The following DDX60 variants were observed in gnomAD, a reference collection of about 807,000 sequenced individuals.
The protein encoded by DDX60 is DExD/H-box helicase 60, also known as probable ATP-dependent RNA helicase DDX60.
Under a neutral mutation model 212.8 loss-of-function variants are expected in DDX60, and 165 were observed. That is an observed-to-expected ratio of 0.78 (90% CI 0.68 to 0.88). DDX60 has a LOEUF of 0.88. DDX60 is among the 40% of genes least tolerant of loss of function. The pLI is 0.00. For synonymous variants in DDX60, 703 were observed against 685.3 expected (o/e 1.03, Z -0.40); for missense variants, 1,905 against 2,003.9 (o/e 0.95, Z 0.94).
chr4:168,285,772 G>GATGCATGGATGGGTGGATGGATGT (rs1244083199), intron 10 of DDX60, among the ~76,000 whole-genome samples: 8 of 151,524 alleles, frequency 5.3e-5, no homozygotes, highest in Non-Finnish European at 8.8e-5. Flanking sequence ...TGGGTGAATG[G>GATGCATGGATGGGTGGATGGATGT]ATGCATGGAT....
rs1736968523 is a variant in DDX60, at chr4:168,308,095, C to T, written c.175G>A (p.Gly59Arg). Residue 59 changes from glycine (G) to arginine (R), a missense_variant, in exon 4 of 38, where the codon GGG (glycine) becomes AGG (arginine). Physicochemically the swap from Gly to Arg is moderately radical, Grantham distance 125. Coordinates refer to ENST00000393743, the MANE Select transcript of DDX60 (RefSeq NM_017631.6). ...AGATAGAAGAAATGGAGGTTCTGCC[C>T]AGGCTTAAATGATATCTCACAGATA... ...TCICEISFKP[G>R]QNLHFFYLVE... 6.2e-7 allele frequency: 1 copy of T among 1,611,678 alleles called. No homozygotes were observed. The highest frequency in any genetic ancestry group is 1.1e-5 in the South Asian group (1 of 90,580).
rs745768005 is a variant in DDX60 at position 168,262,001 on chromosome 4, T to G, written c.3272A>C (p.Gln1091Pro). ...TSWIKNGNVE[Q>P]ARMVLQNLSP... ...GGCCAAAAAGCGTATGAAAATTACCTGCTCTACGTTGCCATTTTTAATCCA... is the reference window on the plus strand; with the variant it reads ...GGCCAAAAAGCGTATGAAAATTACCGGCTCTACGTTGCCATTTTTAATCCA... The change falls in exon 24 of 38, where the codon CAG (glutamine) becomes CCG (proline). Residue 1091 changes from glutamine (Q) to proline (P), a missense_variant and splice_region_variant. Gln to Pro is a moderately conservative substitution (Grantham distance 76). Coordinates refer to ENST00000393743, the MANE Select transcript of DDX60 (RefSeq NM_017631.6). 6.9e-6 allele frequency: 11 copies of G among 1,586,184 alleles called. No homozygotes were observed. The highest frequency in any genetic ancestry group is 9.4e-6 in the Non-Finnish European group (11 of 1,170,992).
At chr4:168,265,928 T>C (rs1056792342) in intron 22 of DDX60, among the ~76,000 whole-genome samples, 1 of 151,756 alleles carries the variant, frequency 6.6e-6, no homozygotes, top group Non-Finnish European at 1.5e-5. Flanking sequence ...AAAGTGCCTT[T>C]TATTCTTATA....
intron 26 of DDX60, among the ~76,000 whole-genome samples, chr4:168,253,726 C>T (rs1205444421): frequency 6.6e-6 from 1 of 152,142 alleles, no homozygotes; most frequent in Non-Finnish European, 1.5e-5. Context: ...CATGAGCACA[C>T]ACCTTCAATA....
At chr4:168,239,965 T>C (rs572176124) in intron 30 of DDX60, among the ~76,000 whole-genome samples, 65 of 151,924 alleles carry the variant, frequency 4.3e-4, no homozygotes, top group South Asian at 1.3e-3. Context: ...GTATTGAAAG[T>C]TCTGGCCAGG....
chr4:168,219,114 T>C (rs1056220005), intron 37 of DDX60, among the ~76,000 whole-genome samples: 1 of 150,140 alleles, frequency 6.7e-6, no homozygotes, highest in African/African-American at 2.5e-5. Context: ...AAATCCCATC[T>C]GTACTAAAAT....
intron 30 of DDX60, among the ~76,000 whole-genome samples, chr4:168,239,395 TAGATAGATA>T (rs1733757341): frequency 6.6e-6 from 1 of 151,632 alleles, no homozygotes; most frequent in African/African-American, 2.4e-5. Flanking sequence ...GATAGATAGA[TAGATAGATA>T]GATAGATAGA....
At chr4:168,243,424 C>T (rs1301738936) in intron 30 of DDX60, among the ~76,000 whole-genome samples, 1 of 152,022 alleles carries the variant, frequency 6.6e-6, no homozygotes, top group East Asian at 1.9e-4. Context: ...AAAAAACAAA[C>T]AACCCATTAA....
intron 37 of DDX60, 116 bp downstream of exon 37, chr4:168,220,539 C>G: frequency 1.7e-6 from 1 of 602,762 alleles, no homozygotes; most frequent in South Asian, 2.0e-5. Context: ...ATGCATAGCA[C>G]AGAAGAAGCT....
At chr4:168,283,413 T>C in intron 13 of DDX60, 33 bp downstream of exon 13, 3 of 1,596,476 alleles carry the variant, frequency 1.9e-6, no homozygotes, top group Non-Finnish European at 2.6e-6. Context: ...AAAAGGAAAA[T>C]TTTTTTAATT....
chr4:168,323,386 T>C (rs559599479), upstream of DDX60, among the ~76,000 whole-genome samples: 3 of 152,168 alleles, frequency 2.0e-5, no homozygotes, highest in African/African-American at 4.8e-5. Flanking sequence ...TTTACATTAA[T>C]CAATGCATGC....
chr4:168,226,435 T>C (rs1733257675), intron 33 of DDX60, among the ~76,000 whole-genome samples: 1 of 152,054 alleles, frequency 6.6e-6, no homozygotes, highest in South Asian at 2.1e-4. Context: ...CCTTCCACCA[T>C]GTGAGAACAC....
intron 25 of DDX60, among the ~76,000 whole-genome samples, chr4:168,258,438 ATT>A (rs56799126): frequency 3.3e-5 from 5 of 150,368 alleles, no homozygotes; most frequent in African/African-American, 4.9e-5. Flanking sequence ...TGCTCCATGT[ATT>A]TTTTTTTTAA....
intron 36 of DDX60, 137 bp downstream of exon 36, chr4:168,221,593 A>T: frequency 2.2e-6 from 2 of 892,602 alleles, no homozygotes; most frequent in Non-Finnish European, 3.1e-6. Flanking sequence ...TCTAAAAAAA[A>T]TCAATCTAGT....
In DDX60 at chr4:168,224,261, T is replaced by G. The variant is rs529887389; in HGVS notation, c.4806A>C (p.Arg1602=). ...LSGNFDDDLL[R]LETPNHVTLG... is the part of the protein sequence containing the mutation. The stretch of plus-strand genomic sequence containing the variant: ...CACTTACATGGTTTGGAGTTTCTAG[T>G]CGAAGCAAATCATCATCAAAGTTCC... Residue 1602 remains arginine (R), a synonymous_variant, in exon 35 of 38, where the codon CGA becomes CGC. Coordinates refer to ENST00000393743, the MANE Select transcript of DDX60 (RefSeq NM_017631.6). 59 of 1,612,384 alleles carry G rather than the reference T, an allele frequency of 3.7e-5. No homozygotes were observed. Among genetic ancestry groups the G allele is most frequent in the Non-Finnish European group, 4.9e-5 (58 of 1,178,888 alleles).
intron 33 of DDX60, among the ~76,000 whole-genome samples, chr4:168,233,026 T>C (rs1038509711): frequency 6.6e-6 from 1 of 151,080 alleles, no homozygotes; most frequent in Non-Finnish European, 1.5e-5. Flanking sequence ...AAACAAACAA[T>C]CCCTTCAAAA....
chr4:168,262,197 T>C, intron 23 of DDX60, 69 bp from the exon 24 acceptor site: 2 of 1,506,046 alleles, frequency 1.3e-6, no homozygotes, highest in Non-Finnish European at 1.8e-6. Flanking sequence ...CTCAATTATA[T>C]GCCTCATTAA....
Position 168,275,476 on chromosome 4 carries a change from T to A in DDX60, c.2173A>T (p.Lys725Ter). ...QDAENDVKVKKRNKYSVGIGP... is the reference protein window; with the variant it reads ...QDAENDVKVK Reference sequence around the variant, plus strand: ...ATGCCAACTGAATATTTATTCCTTTTCTTCACTTTTACATCATTTTCTGCA... The same window carrying A: ...ATGCCAACTGAATATTTATTCCTTTACTTCACTTTTACATCATTTTCTGCA... The change falls in exon 16 of 38, where the codon AAA becomes TAA. Residue 725 changes from lysine to a stop codon, truncating the protein, a stop_gained. Transcript: ENST00000393743. LOFTEE classifies it high-confidence loss of function. 1 of 1,608,936 alleles carries A rather than the reference T, an allele frequency of 6.2e-7. No homozygotes were observed. Among genetic ancestry groups the A allele is most frequent in the Non-Finnish European group, 8.5e-7 (1 of 1,177,882 alleles).
chr4:168,242,443 G>A (rs573251842), intron 30 of DDX60, among the ~76,000 whole-genome samples: 1 of 152,232 alleles, frequency 6.6e-6, no homozygotes, highest in South Asian at 2.1e-4. Flanking sequence ...CCATTGAAGT[G>A]AAGCTGCCCA....
Sources: gnomAD v4.1 joint callset for allele counts (sites outside exome capture counted in the v4.1 genomes callset) on GRCh38, gnomAD v4.1.1 for gene constraint, MANE v1.5 for transcripts, NCBI Gene and HGNC (gene_info 2026-07-23, HGNC 2026-07-21) for gene names.